The following RMDN2 variants were observed in gnomAD, a reference collection of about 807,000 sequenced individuals.
The protein encoded by RMDN2 is regulator of microtubule dynamics protein 2.
In RMDN2, 61 loss-of-function variants were observed where a neutral mutation model predicts 52.8. The observed-to-expected ratio is 1.16, with a 90% confidence interval of 0.94 to 1.43. The LOEUF is 1.43. Among genes scored for constraint, RMDN2 ranks in the 40% most tolerant of loss-of-function variants. The pLI, the probability that RMDN2 is intolerant of heterozygous loss-of-function variation, is 0.00. For synonymous variants in RMDN2, 180 were observed against 153.1 expected (o/e 1.18, Z -1.30); for missense variants, 592 against 475.3 (o/e 1.25, Z -2.28).
chr2:37,981,247 A>G (rs1318515874), intron 4 of RMDN2, 36 bp from the exon 5 acceptor site: 4 of 1,248,988 alleles, frequency 3.2e-6, no homozygotes, highest in South Asian at 1.2e-5. Flanking sequence ...ACCAACTCAC[A>G]TGAAGGTATT....
At chr2:37,951,127 C>T (rs1475939503) in intron 2 of RMDN2, 3 of 1,079,190 alleles carry the variant, frequency 2.8e-6, no homozygotes, top group Non-Finnish European at 4.0e-6. Context: ...GGAAACAATA[C>T]CAATTGGTGG....
intron 6 of RMDN2, among the ~76,000 whole-genome samples, chr2:37,990,073 G>A (rs550650062): frequency 6.6e-6 from 1 of 151,348 alleles, no homozygotes; most frequent in Non-Finnish European, 1.5e-5. Context: ...AACCTGGGGG[G>A]CGGAGCTTGC....
intron 2 of RMDN2, among the ~76,000 whole-genome samples, chr2:37,949,514 G>A (rs1383541258): frequency 6.6e-6 from 1 of 152,144 alleles, no homozygotes; most frequent in African/African-American, 2.4e-5. Context: ...TAAGTCTTCT[G>A]TCTCTAACCC....
intron 10 of RMDN2, among the ~76,000 whole-genome samples, chr2:38,055,000 A>T (rs1475303634): frequency 6.6e-6 from 1 of 152,196 alleles, no homozygotes; most frequent in Non-Finnish European, 1.5e-5. Context: ...AGTTACCAGA[A>T]ATGTCTTATG....
intron 10 of RMDN2, among the ~76,000 whole-genome samples, chr2:38,010,959 C>G (rs989106668): frequency 6.6e-6 from 1 of 152,162 alleles, no homozygotes; most frequent in Non-Finnish European, 1.5e-5. Context: ...CACCAGGAGG[C>G]CCCTACCAGT....
chr2:37,974,053 A>G lies in RMDN2; in HGVS notation c.466A>G (p.Asn156Asp). ...AESEGGYITA[N>D]TDTEEQSFPV... ...CTGCGATTTTAGGTATATTACAGCT[A>G]ATACTGACACAGAAGAACAGAGTTT... Residue 156 changes from asparagine to aspartate, a missense_variant, in exon 3 of 11, where the codon AAT becomes GAT. By Grantham distance (23) the Asn-to-Asp change is conservative. Coordinates refer to ENST00000354545, the MANE Select transcript of RMDN2 (RefSeq NM_001170791.3). 6.2e-7 allele frequency: 1 copy of G among 1,610,088 alleles called. No individual in the cohort carries two copies. Among genetic ancestry groups the G allele is most frequent in the Non-Finnish European group, 8.5e-7 (1 of 1,178,174 alleles).
rs1285987118 is a variant in RMDN2 at position 37,932,783 on chromosome 2, C to T, written c.452+3054C>T. Among the ~76,000 whole-genome samples, 260 of 134,198 alleles carry T rather than the reference C, an allele frequency of 1.9e-3. 1 individual carries two copies. Among genetic ancestry groups the T allele is most frequent in the African/African-American group, 6.4e-3 (237 of 36,966 alleles). 88.0% of individuals were successfully genotyped at this position (134,198 alleles called of 152,430 possible). A position where few individuals can be genotyped will look rare whatever the true frequency, so the allele number is the denominator to read the frequency against. ...GGCGGCCGGGCAGAGGCGCCCCTCA[C>T]CTCCCGGACGGGGCGGCTGGCTGGG... On this transcript the variant is annotated intron_variant, in intron 2 of 10. Coordinates refer to ENST00000354545, the MANE Select transcript of RMDN2 (RefSeq NM_001170791.3).
intron 2 of RMDN2, among the ~76,000 whole-genome samples, chr2:37,958,327 G>C (rs1287043472): frequency 1.3e-5 from 2 of 152,172 alleles, no homozygotes; most frequent in South Asian, 2.1e-4. Context: ...TCCTTGAGAA[G>C]TGGTTTGTAG....
chr2:38,010,082 A>AGAG (rs1677731141), intron 10 of RMDN2, among the ~76,000 whole-genome samples: 1 of 152,144 alleles, frequency 6.6e-6, no homozygotes, highest in South Asian at 2.1e-4. Flanking sequence ...GTTTTGTCTC[A>AGAG]GAGGAGTACC....
intron 10 of RMDN2, among the ~76,000 whole-genome samples, chr2:38,011,073 G>A (rs558551782): frequency 1.3e-5 from 2 of 152,288 alleles, no homozygotes; most frequent in East Asian, 3.9e-4. Context: ...GGGAGCTGGA[G>A]ATTAACTATG....
intron 4 of RMDN2, among the ~76,000 whole-genome samples, chr2:37,977,477 C>G (rs996041185): frequency 1.3e-5 from 2 of 150,734 alleles, no homozygotes; most frequent in Non-Finnish European, 1.5e-5. Flanking sequence ...CTGCCCCCAC[C>G]TCCCGGACGG....
At chr2:38,062,479 G>A (rs1034159700) in intron 10 of RMDN2, among the ~76,000 whole-genome samples, 2 of 152,176 alleles carry the variant, frequency 1.3e-5, no homozygotes, top group African/African-American at 2.4e-5. Flanking sequence ...CCCTTTGAAG[G>A]AAATTTAGGT....
chr2:37,992,826 A>C (rs1318931864), intron 7 of RMDN2, among the ~76,000 whole-genome samples: 2 of 152,194 alleles, frequency 1.3e-5, no homozygotes, highest in Non-Finnish European at 2.9e-5. Context: ...CAAAAACCCT[A>C]TAAGGTTAAT....
Position 37,929,693 on chromosome 2 carries a change from C to A in RMDN2, c.416C>A (p.Thr139Lys). 6.5e-7 allele frequency: 1 copy of A among 1,527,522 alleles called. No homozygotes were observed. Among genetic ancestry groups the A allele is most frequent in the Non-Finnish European group, 8.8e-7 (1 of 1,140,844 alleles). 94.6% of individuals were successfully genotyped at this position (1,527,522 alleles called of 1,614,324 possible). Reference sequence around the variant, plus strand: ...CTCCCCACAATTCAAAGTTCAGCAACAAGTAATAGTTCAGAGGAAGCAGAA... The same window carrying A: ...CTCCCCACAATTCAAAGTTCAGCAAAAAGTAATAGTTCAGAGGAAGCAGAA... The part of the protein sequence containing the change: ...RRLPTIQSSA[T>K]SNSSEEAESE... Residue 139 changes from threonine to lysine, a missense_variant, in exon 2 of 11, where the codon ACA becomes AAA. Transcript: ENST00000354545.
upstream of RMDN2, among the ~76,000 whole-genome samples, chr2:37,925,026 CAGCAACGCGAGA>C (rs972826103): frequency 2.0e-5 from 3 of 152,270 alleles, no homozygotes; most frequent in African/African-American, 7.2e-5. Context: ...TGCGGAGTGG[CAGCAACGCGAGA>C]GGGAACGCGC....
At chr2:37,935,214 G>C (rs1050070885) in intron 2 of RMDN2, among the ~76,000 whole-genome samples, 6 of 152,136 alleles carry the variant, frequency 3.9e-5, no homozygotes, top group African/African-American at 1.4e-4. Flanking sequence ...AGTATATATT[G>C]CCTTAGATAA....
At chr2:38,032,485 T>C (rs1256125249) in intron 10 of RMDN2, among the ~76,000 whole-genome samples, 1 of 152,244 alleles carries the variant, frequency 6.6e-6, no homozygotes, top group Non-Finnish European at 1.5e-5. Context: ...AATGTAATTA[T>C]AAATTCACCT....
chr2:38,052,610 C>G (rs1390127187), intron 10 of RMDN2, among the ~76,000 whole-genome samples: 2 of 152,124 alleles, frequency 1.3e-5, no homozygotes, highest in African/African-American at 4.8e-5. Context: ...CACCAATGTC[C>G]TGGAGCAAGT....
At chr2:38,003,526 C>G (rs1012442145) in intron 8 of RMDN2, among the ~76,000 whole-genome samples, 2 of 146,884 alleles carry the variant, frequency 1.4e-5, no homozygotes, top group Admixed American at 1.4e-4. Flanking sequence ...GCACTCCAGC[C>G]TGGGCAACAA....
Sources: allele counts gnomAD v4.1 joint callset (sites outside exome capture counted in the v4.1 genomes callset), GRCh38; gene constraint gnomAD v4.1.1; transcripts MANE v1.5; gene names NCBI Gene and HGNC (gene_info 2026-07-23, HGNC 2026-07-21).